Variants in AP3B1 observed in about 807,000 individuals in gnomAD.
AP3B1 encodes AP-3 complex subunit beta-1.
Under a neutral mutation model 132.5 loss-of-function variants are expected in AP3B1, and 61 were observed. That is an observed-to-expected ratio of 0.46 (90% confidence interval 0.37 to 0.57). AP3B1 has a LOEUF of 0.57. Ranked by LOEUF, AP3B1 falls within the 20% of genes least tolerant of loss-of-function variation. AP3B1 has a pLI of 0.00. For synonymous variants in AP3B1, 388 were observed against 438.3 expected (o/e 0.89, Z 1.43); for missense variants, 1,120 against 1,289.4 (o/e 0.87, Z 2.01).
intron 3 of AP3B1, among the ~76,000 whole-genome samples, chr5:78,235,410 A>G (rs1746833503): frequency 1.3e-5 from 2 of 152,242 alleles, no homozygotes; most frequent in Non-Finnish European, 1.5e-5. Flanking sequence ...CAGCTGAGCT[A>G]GCAGGCATTG....
intron 14 of AP3B1, among the ~76,000 whole-genome samples, chr5:78,145,017 TAGA>T (rs1248407736): frequency 6.6e-6 from 1 of 152,118 alleles, no homozygotes. Context: ...CATTTTATTC[TAGA>T]AGAACTCCAA....
At chr5:78,138,008 C>T (rs990294694) in intron 15 of AP3B1, among the ~76,000 whole-genome samples, 1 of 151,968 alleles carries the variant, frequency 6.6e-6, no homozygotes, top group Non-Finnish European at 1.5e-5. Context: ...TCACTGTAAT[C>T]GACTCTCCCT....
chr5:78,291,420 G>GAA (rs5868911), intron 1 of AP3B1, among the ~76,000 whole-genome samples: 1,220 of 85,554 alleles, frequency 0.014, 52 homozygotes, highest in Middle Eastern at 0.051. Context: ...CAGATAATTT[G>GAA]AAAAAAAAAA....
At chr5:78,097,257 G>A (rs1221583662) in intron 21 of AP3B1, among the ~76,000 whole-genome samples, 3 of 134,308 alleles carry the variant, frequency 2.2e-5, no homozygotes, top group Admixed American at 1.4e-4. Flanking sequence ...CCCCCCGCCC[G>A]GCCAGCCACC....
chr5:78,074,107 G>A (rs1020391558), intron 22 of AP3B1, among the ~76,000 whole-genome samples: 2 of 152,050 alleles, frequency 1.3e-5, no homozygotes, highest in Non-Finnish European at 2.9e-5. Context: ...GCACATATTT[G>A]CTTAAGCCAA....
At chr5:78,055,870 T>A (rs113807781) in intron 22 of AP3B1, among the ~76,000 whole-genome samples, 5,190 of 152,262 alleles carry the variant, frequency 0.034, 288 homozygotes, top group African/African-American at 0.11. Flanking sequence ...TTTAATAAAC[T>A]GCATGTCTGA....
intron 22 of AP3B1, among the ~76,000 whole-genome samples, chr5:78,080,464 TTC>T (rs1749945432): frequency 6.7e-6 from 1 of 149,820 alleles, no homozygotes; most frequent in African/African-American, 2.5e-5. Context: ...TTTTTTTTTT[TTC>T]TTTTTCTTTT....
At chr5:78,267,700 T>G in intron 1 of AP3B1, 105 bp from the exon 2 acceptor site, 1 of 694,178 alleles carries the variant, frequency 1.4e-6, no homozygotes, top group South Asian at 1.9e-5. Flanking sequence ...TGGGCAATGT[T>G]AAATAACTGC....
chr5:78,169,859 A>C (rs989240227), intron 11 of AP3B1, among the ~76,000 whole-genome samples: 1 of 151,978 alleles, frequency 6.6e-6, no homozygotes, highest in African/African-American at 2.4e-5. Flanking sequence ...TGCACCCAAC[A>C]ACTCGTCATT....
At chr5:78,060,483 T>C (rs922495617) in intron 22 of AP3B1, among the ~76,000 whole-genome samples, 5 of 152,226 alleles carry the variant, frequency 3.3e-5, no homozygotes, top group African/African-American at 4.8e-5. Flanking sequence ...ATGCACATTA[T>C]AATTCAAGAA....
chr5:78,224,880 CCT>C (rs1303446435), intron 6 of AP3B1, among the ~76,000 whole-genome samples: 2 of 151,862 alleles, frequency 1.3e-5, no homozygotes, highest in Admixed American at 6.6e-5. Flanking sequence ...ACTTCAATAC[CCT>C]GTTTTCAATA....
chr5:78,241,473 T>TA (rs1273896160), intron 2 of AP3B1, among the ~76,000 whole-genome samples: 2 of 152,198 alleles, frequency 1.3e-5, no homozygotes, highest in Non-Finnish European at 2.9e-5. Flanking sequence ...GATCTGACAT[T>TA]AAAGATGTAC....
chr5:78,249,933 T>C (rs1580543633), intron 2 of AP3B1, among the ~76,000 whole-genome samples: 1 of 152,300 alleles, frequency 6.6e-6, no homozygotes, highest in African/African-American at 2.4e-5. Flanking sequence ...TTTCTTCTGT[T>C]ATCACCATTC....
At chr5:78,113,404 C>T (rs1751677375) in intron 19 of AP3B1, among the ~76,000 whole-genome samples, 1 of 152,130 alleles carries the variant, frequency 6.6e-6, no homozygotes, top group African/African-American at 2.4e-5. Flanking sequence ...GTCTTGGTTA[C>T]ATAATGGCAA....
intron 2 of AP3B1, among the ~76,000 whole-genome samples, chr5:78,264,270 T>C (rs1748226926): frequency 6.6e-6 from 1 of 152,194 alleles, no homozygotes; most frequent in Non-Finnish European, 1.5e-5. Flanking sequence ...TAATTTCCAC[T>C]GGTCATTCTT....
chr5:78,071,042 C>G (rs1003296330), intron 22 of AP3B1, among the ~76,000 whole-genome samples: 11 of 152,114 alleles, frequency 7.2e-5, no homozygotes, highest in African/African-American at 2.4e-4. Flanking sequence ...ATTTGACCCA[C>G]CAATCCCATT....
chr5:78,113,701 G>T, intron 19 of AP3B1, 51 bp downstream of exon 19: 1 of 1,599,734 alleles, frequency 6.3e-7, no homozygotes, highest in Non-Finnish European at 8.5e-7. Flanking sequence ...TCTGCCTGGG[G>T]CAAACTTTCA....
intron 7 of AP3B1, among the ~76,000 whole-genome samples, chr5:78,199,877 G>A (rs180895247): frequency 6.4e-4 from 98 of 151,948 alleles, no homozygotes; most frequent in African/African-American, 2.2e-3. Flanking sequence ...AATATAAAAG[G>A]TTTTTATATA....
intron 1 of AP3B1, among the ~76,000 whole-genome samples, chr5:78,280,978 A>G (rs1749024903): frequency 7.0e-6 from 1 of 142,170 alleles, no homozygotes; most frequent in Non-Finnish European, 1.6e-5. Flanking sequence ...GTTTTTTACC[A>G]CAATTTTTTA....
Sources: allele counts gnomAD v4.1 joint callset (sites outside exome capture counted in the v4.1 genomes callset), GRCh38; gene constraint gnomAD v4.1.1; transcripts MANE v1.5; gene names NCBI Gene and HGNC (gene_info 2026-07-23, HGNC 2026-07-21).